CNTNAP4: variants seen among roughly 807,000 people sequenced by gnomAD.
CNTNAP4 encodes the protein contactin-associated protein-like 4.
CNTNAP4 carries 98 observed loss-of-function variants against 148.4 expected under a neutral mutation model. The ratio of observed to expected loss-of-function variants is 0.66; its 90% CI spans 0.56 to 0.78. The LOEUF (loss-of-function observed/expected upper bound fraction) is 0.78, where lower values mean the gene tolerates loss of function less well. CNTNAP4 is among the 30% of genes least tolerant of loss of function. The pLI is 0.00. For missense variants in CNTNAP4, 1,935 were observed against 1,565.6 expected (o/e 1.24, Z -3.98); for synonymous variants, 730 against 565.1 (o/e 1.29, Z -4.14).
intron 13 of CNTNAP4, among the ~76,000 whole-genome samples, chr16:76,493,390 G>A (rs2082293639): frequency 6.6e-6 from 1 of 152,132 alleles, no homozygotes; most frequent in Non-Finnish European, 1.5e-5. Flanking sequence ...ATTATGGGAG[G>A]TGGAATGTTC....
chr16:76,313,852 C>T (rs1380474088), intron 1 of CNTNAP4, among the ~76,000 whole-genome samples: 1 of 151,920 alleles, frequency 6.6e-6, no homozygotes, highest in East Asian at 1.9e-4. Flanking sequence ...GGACAATAAC[C>T]CTGTATAATT....
intron 14 of CNTNAP4, 74 bp downstream of exon 14, chr16:76,495,140 T>C: frequency 2.7e-6 from 4 of 1,492,368 alleles, no homozygotes; most frequent in East Asian, 2.3e-5. Flanking sequence ...TATGTATAGC[T>C]AGCCAGATAC....
rs1009426031 is a variant in CNTNAP4, at chr16:76,559,544, G to C, written c.*861G>C. ...TATATTAAAAAAAATTCTTAACACA[G>C]CAAAAAATTATTATTTAATTTACAA... On this transcript the variant is annotated 3_prime_UTR_variant, in exon 24 of 24. Transcript: ENST00000611870. Among the ~76,000 whole-genome samples the C allele has an allele frequency of 6.6e-6, 1 of 151,890 alleles. No homozygotes were observed. Among genetic ancestry groups the C allele is most frequent in the Non-Finnish European group, 1.5e-5 (1 of 67,976 alleles).
chr16:76,336,807 G>A (rs962406137), intron 2 of CNTNAP4, among the ~76,000 whole-genome samples: 4 of 152,018 alleles, frequency 2.6e-5, no homozygotes, highest in African/African-American at 9.7e-5. Flanking sequence ...TTGCTTTTTT[G>A]CTTAAAGAAG....
intron 2 of CNTNAP4, among the ~76,000 whole-genome samples, chr16:76,338,541 C>G (rs1964204869): frequency 6.6e-6 from 1 of 152,188 alleles, no homozygotes; most frequent in Non-Finnish European, 1.5e-5. Flanking sequence ...AATGTTTCTG[C>G]TTCCCTAACC....
At chr16:76,457,396 G>C (rs1329852473) in intron 8 of CNTNAP4, among the ~76,000 whole-genome samples, 1 of 152,178 alleles carries the variant, frequency 6.6e-6, no homozygotes, top group African/African-American at 2.4e-5. Context: ...CTTTCTGAAG[G>C]TTCCCCCACA....
intron 3 of CNTNAP4, among the ~76,000 whole-genome samples, chr16:76,424,764 A>T (rs1037463985): frequency 1.8e-5 from 1 of 56,796 alleles, no homozygotes. Flanking sequence ...GTCTAAAAAA[A>T]CAAAAACAAA....
At chr16:76,406,342 T>C (rs1340387236) in intron 3 of CNTNAP4, among the ~76,000 whole-genome samples, 1 of 152,088 alleles carries the variant, frequency 6.6e-6, no homozygotes, top group East Asian at 1.9e-4. Context: ...CAACTGGCTG[T>C]TCCCGCATCT....
At chr16:76,418,656 T>C (rs1317790976) in intron 3 of CNTNAP4, among the ~76,000 whole-genome samples, 1 of 151,906 alleles carries the variant, frequency 6.6e-6, no homozygotes, top group African/African-American at 2.4e-5. Context: ...TTTTAAGCCC[T>C]TGTCTGATTT....
intron 1 of CNTNAP4, among the ~76,000 whole-genome samples, chr16:76,290,398 A>G (rs917496673): frequency 1.3e-5 from 2 of 152,114 alleles, no homozygotes; most frequent in Non-Finnish European, 2.9e-5. Flanking sequence ...ACATATGCTC[A>G]TTCCTTCCTC....
intron 3 of CNTNAP4, among the ~76,000 whole-genome samples, chr16:76,378,093 A>G (rs8063378): frequency 0.16 from 24,648 of 152,120 alleles, 2,589 homozygotes; most frequent in East Asian, 0.45. Flanking sequence ...TTATAACAAT[A>G]TTAAGAGAGT....
intron 15 of CNTNAP4, among the ~76,000 whole-genome samples, chr16:76,500,101 G>A (rs1438158209): frequency 1.3e-5 from 2 of 152,144 alleles, no homozygotes; most frequent in East Asian, 1.9e-4. Context: ...TGGCGGCGGG[G>A]CAGAGGGGCT....
intron 19 of CNTNAP4, 129 bp downstream of exon 19, chr16:76,538,469 T>G (rs2084315087): frequency 1.0e-5 from 7 of 675,186 alleles, no homozygotes; most frequent in Non-Finnish European, 1.8e-5. Flanking sequence ...TTTTTTGTAG[T>G]CATATTTTTA....
rs2082809603 is a variant in CNTNAP4, at chr16:76,505,474, G to C, written c.2365+6780G>C. On this transcript the variant is annotated intron_variant, in intron 15 of 23. Coordinates refer to ENST00000611870, the MANE Select transcript of CNTNAP4 (RefSeq NM_033401.5). ...GGATCTCTGCTGCAAGAACTTTGAGGTGAGAGGAATTTTACACAGGGGTAC... is the reference window on the plus strand; with the variant it reads ...GGATCTCTGCTGCAAGAACTTTGAGCTGAGAGGAATTTTACACAGGGGTAC... Among the ~76,000 whole-genome samples the C allele has an allele frequency of 2.1e-5, 2 of 96,960 alleles. 1 individual carries two copies. Among genetic ancestry groups the C allele is most frequent in the Non-Finnish European group, 5.8e-5 (2 of 34,218 alleles). The allele number at this position is 96,960 out of a possible 152,430, so 63.6% of individuals were successfully genotyped here.
intron 3 of CNTNAP4, among the ~76,000 whole-genome samples, chr16:76,363,124 A>G (rs1454612943): frequency 2.7e-5 from 4 of 150,780 alleles, no homozygotes; most frequent in African/African-American, 9.7e-5. Flanking sequence ...GGTAAACTGG[A>G]TATCCACATG....
chr16:76,514,316 C>G, intron 15 of CNTNAP4, among the ~76,000 whole-genome samples: 1 of 152,126 alleles, frequency 6.6e-6, no homozygotes, highest in Non-Finnish European at 1.5e-5. Context: ...GGATGTTGCT[C>G]CAAAATTCTG....
At chr16:76,422,620 A>G (rs546009589) in intron 3 of CNTNAP4, among the ~76,000 whole-genome samples, 2 of 152,256 alleles carry the variant, frequency 1.3e-5, no homozygotes, top group African/African-American at 4.8e-5. Flanking sequence ...GCTTAGCTAA[A>G]TTATGGGCTT....
chr16:76,412,414 A>G (rs2078831655), intron 3 of CNTNAP4, among the ~76,000 whole-genome samples: 1 of 151,436 alleles, frequency 6.6e-6, no homozygotes, highest in Non-Finnish European at 1.5e-5. Flanking sequence ...ATTTAATTTT[A>G]GTAGAAAATG....
At chr16:76,365,505 C>T (rs8063803) in intron 3 of CNTNAP4, among the ~76,000 whole-genome samples, 21,343 of 152,024 alleles carry the variant, frequency 0.14, 2,107 homozygotes, top group East Asian at 0.47. Flanking sequence ...AATCCCAGCA[C>T]TTTGGGAGGC....
Sources: gnomAD v4.1 joint callset for allele counts (sites outside exome capture counted in the v4.1 genomes callset) on GRCh38, gnomAD v4.1.1 for gene constraint, MANE v1.5 for transcripts, NCBI Gene and HGNC (gene_info 2026-07-23, HGNC 2026-07-21) for gene names.